Variants in NXPH1 observed in about 807,000 individuals in gnomAD.
NXPH1 encodes neurexophilin-1.
Under a neutral mutation model 23.7 loss-of-function variants are expected in NXPH1, and 5 were observed. The ratio of observed to expected loss-of-function variants is 0.21; its 90% CI spans 0.11 to 0.44. The LOEUF is 0.44. Ranked by LOEUF, NXPH1 falls within the 20% of genes least tolerant of loss-of-function variation. The pLI is 0.99. For missense variants in NXPH1, 324 were observed against 321.6 expected (o/e 1.01, Z -0.06); for synonymous variants, 144 against 122.2 (o/e 1.18, Z -1.18).
intron 2 of NXPH1, among the ~76,000 whole-genome samples, chr7:8,704,674 A>AT (rs1403117892): frequency 3.9e-5 from 6 of 152,144 alleles, no homozygotes; most frequent in South Asian, 4.1e-4. Flanking sequence ...ATCTGCATGG[A>AT]TTTTTTGGTT....
At chr7:8,624,500 TA>T (rs1819946337) in intron 2 of NXPH1, among the ~76,000 whole-genome samples, 1 of 151,836 alleles carries the variant, frequency 6.6e-6, no homozygotes. Flanking sequence ...GAAATGCCCA[TA>T]TTTAGGTGGT....
intron 2 of NXPH1, among the ~76,000 whole-genome samples, chr7:8,635,702 A>G (rs534250567): frequency 5.4e-4 from 82 of 152,216 alleles, no homozygotes; most frequent in Non-Finnish European, 1.0e-3. Context: ...TCAACCCCCT[A>G]TAGAAATCGT....
At chr7:8,735,355 T>G in intron 2 of NXPH1, among the ~76,000 whole-genome samples, 1 of 151,936 alleles carries the variant, frequency 6.6e-6, no homozygotes, top group East Asian at 1.9e-4. Context: ...GCATGAAGGG[T>G]TGAGTTTTAT....
intron 2 of NXPH1, among the ~76,000 whole-genome samples, chr7:8,665,939 G>A (rs754512206): frequency 4.8e-4 from 54 of 111,772 alleles, no homozygotes; most frequent in Non-Finnish European, 9.8e-4. Flanking sequence ...TTTTTTGAAG[G>A]AGTCTTTGGG....
At chr7:8,492,898 C>A (rs1291411571) in intron 2 of NXPH1, among the ~76,000 whole-genome samples, 1 of 151,940 alleles carries the variant, frequency 6.6e-6, no homozygotes, top group Non-Finnish European at 1.5e-5. Context: ...TCCCTTGTAG[C>A]CAGAGTGTTC....
rs571891728 is a variant in NXPH1, at chr7:8,465,777, A to C, written c.54+30010A>C. ...AATTATTCCCTAGACCTCACTTAGC[A>C]ATAGCTGGCTTCATGTCACACAACA... is the stretch of plus-strand genomic sequence containing the variant. On this transcript the variant is annotated intron_variant, in intron 2 of 2. Coordinates refer to ENST00000405863, the MANE Select transcript of NXPH1 (RefSeq NM_152745.3). Among the ~76,000 whole-genome samples the C allele has an allele frequency of 5.9e-5, 9 of 152,310 alleles. No individual in the cohort carries two copies. In the South Asian group the frequency reaches 1.9e-3, roughly 32 times the overall value.
chr7:8,550,307 T>C (rs1469089520), intron 2 of NXPH1, among the ~76,000 whole-genome samples: 1 of 151,414 alleles, frequency 6.6e-6, no homozygotes, highest in African/African-American at 2.4e-5. Flanking sequence ...AAAAGGGGGG[T>C]GTTGCTGGGA....
At chr7:8,656,587 C>T (rs139010731) in intron 2 of NXPH1, among the ~76,000 whole-genome samples, 5,510 of 148,998 alleles carry the variant, frequency 0.037, 291 homozygotes, top group East Asian at 0.17. Flanking sequence ...TACATGTGCA[C>T]AATGTGCGGG....
At chr7:8,458,544 C>G (rs1816638493) in intron 2 of NXPH1, among the ~76,000 whole-genome samples, 1 of 152,154 alleles carries the variant, frequency 6.6e-6, no homozygotes. Flanking sequence ...GTGACTAATT[C>G]AAGATCACAT....
intron 2 of NXPH1, among the ~76,000 whole-genome samples, chr7:8,445,678 C>A (rs1238202514): frequency 1.3e-5 from 2 of 152,208 alleles, no homozygotes; most frequent in African/African-American, 4.8e-5. Context: ...ATTACACATA[C>A]ACATATACAC....
intron 2 of NXPH1, among the ~76,000 whole-genome samples, chr7:8,515,962 A>G (rs1343200760): frequency 6.6e-6 from 1 of 152,076 alleles, no homozygotes; most frequent in Admixed American, 6.6e-5. Flanking sequence ...AGCCTCTCAC[A>G]CACTCATGCA....
chr7:8,503,822 A>T (rs918934928), intron 2 of NXPH1, among the ~76,000 whole-genome samples: 3 of 151,916 alleles, frequency 2.0e-5, no homozygotes, highest in Non-Finnish European at 4.4e-5. Flanking sequence ...CCATCACTGC[A>T]TTAGCCTTCC....
chr7:8,591,449 T>C lies in NXPH1; in HGVS notation c.54+155682T>C, dbSNP rs1379584111. ...AACACCTTCTTTGCTTTCCCACCTG[T>C]ATCTTTTCTCAAGCTGGGCTGGAAA... On this transcript the variant is annotated intron_variant, in intron 2 of 2. Transcript: ENST00000405863. Among the ~76,000 whole-genome samples, 3 of 152,148 alleles carry C rather than the reference T, an allele frequency of 2.0e-5. No homozygotes were observed. In the East Asian group the frequency reaches 5.8e-4, roughly 29 times the overall value.
intron 2 of NXPH1, among the ~76,000 whole-genome samples, chr7:8,495,362 T>C (rs1249973149): frequency 2.2e-5 from 3 of 134,440 alleles, no homozygotes; most frequent in African/African-American, 8.6e-5. Flanking sequence ...ATTTAAAGAT[T>C]AATCACATCT....
At chr7:8,646,831 C>T (rs1820406048) in intron 2 of NXPH1, among the ~76,000 whole-genome samples, 1 of 150,210 alleles carries the variant, frequency 6.7e-6, no homozygotes, top group Admixed American at 6.7e-5. Context: ...TTTACTTAAT[C>T]AGAGAGCCTC....
intron 2 of NXPH1, among the ~76,000 whole-genome samples, chr7:8,468,664 G>C (rs1025810982): frequency 6.6e-6 from 1 of 152,026 alleles, no homozygotes; most frequent in African/African-American, 2.4e-5. Context: ...GATAATACTG[G>C]CTTTGGAAAG....
intron 2 of NXPH1, among the ~76,000 whole-genome samples, chr7:8,672,387 G>A (rs950491495): frequency 7.2e-5 from 11 of 151,942 alleles, no homozygotes; most frequent in African/African-American, 2.4e-4. Flanking sequence ...GAGTTAATGG[G>A]TGCAGCACAC....
chr7:8,458,004 A>G (rs984457449), intron 2 of NXPH1, among the ~76,000 whole-genome samples: 1 of 152,222 alleles, frequency 6.6e-6, no homozygotes. Flanking sequence ...GTCATATTAA[A>G]TGTTTTTATT....
At chr7:8,677,729 T>C (rs1820974431) in intron 2 of NXPH1, among the ~76,000 whole-genome samples, 1 of 152,180 alleles carries the variant, frequency 6.6e-6, no homozygotes, top group Non-Finnish European at 1.5e-5. Flanking sequence ...GCATTTAGTT[T>C]AGAAGAAAAC....
Sources: gnomAD v4.1 joint callset for allele counts (sites outside exome capture counted in the v4.1 genomes callset) on GRCh38, gnomAD v4.1.1 for gene constraint, MANE v1.5 for transcripts, NCBI Gene and HGNC (gene_info 2026-07-23, HGNC 2026-07-21) for gene names.